The following FREM1 variants were observed in gnomAD, a reference collection of about 807,000 sequenced individuals.
FREM1 encodes FRAS1-related extracellular matrix protein 1.
FREM1 carries 220 observed loss-of-function variants against 210.1 expected under a neutral mutation model. That is an observed-to-expected ratio of 1.05 (90% CI 0.94 to 1.17). FREM1 has a LOEUF of 1.17. FREM1 is among the 50% of genes most tolerant of loss of function. FREM1 has a pLI of 0.00. For missense variants in FREM1, 3,454 were observed against 2,675.5 expected, an observed-to-expected ratio of 1.29 and a Z score of -6.42; for synonymous variants, 1,189 against 980.2, an observed-to-expected ratio of 1.21 and a Z score of -3.98.
rs769520862 is a variant in FREM1, at chr9:14,759,844, C to T, written c.5262G>A (p.Glu1754=). The part of the protein sequence containing the change: ...EWSQTEYEVC[E]NVGLLPLEII... Reference sequence around the variant, plus strand: ...TTTCCAAGGGCAACAAACCCACATTCTCACAGACTTCATATTCGGTCTGTG... The same window carrying T: ...TTTCCAAGGGCAACAAACCCACATTTTCACAGACTTCATATTCGGTCTGTG... The change falls in exon 28 of 37, where the codon GAG becomes GAA. Residue 1754 remains glutamate, a synonymous_variant. Transcript: ENST00000380880. 6.2e-7 allele frequency: 1 copy of T among 1,612,402 alleles called. No homozygotes were observed. Among genetic ancestry groups the T allele is most frequent in the African/African-American group, 1.3e-5 (1 of 75,022 alleles).
At position 14,813,100 on chromosome 9, in the gene FREM1, G is replaced by T. The variant is rs767844415; in HGVS notation, c.2641-36C>A. 53 of 1,574,560 alleles carry T rather than the reference G, an allele frequency of 3.4e-5. No homozygotes were observed. In the Admixed American group the frequency reaches 9.3e-4, roughly 28 times the overall value. Reference sequence around the variant, plus strand: ...GAAAAAATGCATGTTTTCAGAAAAAGAAAGAAATGACAAATTCTTTGACAG... The same window carrying T: ...GAAAAAATGCATGTTTTCAGAAAAATAAAGAAATGACAAATTCTTTGACAG... On this transcript the variant is annotated intron_variant, in intron 15 of 36. Transcript: ENST00000380880.
intron 32 of FREM1, 75 bp downstream of exon 32, chr9:14,747,606 A>G: frequency 9.4e-7 from 1 of 1,061,904 alleles, no homozygotes; most frequent in Non-Finnish European, 1.3e-6. Flanking sequence ...AATATAAAAA[A>G]TATAAAATAA....
chr9:14,838,464 G>A, intron 10 of FREM1, among the ~76,000 whole-genome samples: 1 of 150,802 alleles, frequency 6.6e-6, no homozygotes, highest in East Asian at 1.9e-4. Flanking sequence ...TGATATCGGA[G>A]TTTTAAATAT....
intron 10 of FREM1, among the ~76,000 whole-genome samples, chr9:14,837,487 G>A (rs1824853381): frequency 6.6e-6 from 1 of 150,380 alleles, no homozygotes; most frequent in Admixed American, 6.6e-5. Context: ...ACACACAAAT[G>A]TGCCCACTAA....
chr9:14,839,536 A>G (rs184133657), intron 10 of FREM1, among the ~76,000 whole-genome samples: 1 of 152,218 alleles, frequency 6.6e-6, no homozygotes, highest in Admixed American at 6.5e-5. Context: ...ATGAAAGCAG[A>G]GAAAAACATG....
intron 16 of FREM1, among the ~76,000 whole-genome samples, chr9:14,809,186 C>T (rs564278069): frequency 1.3e-5 from 2 of 152,272 alleles, no homozygotes; most frequent in South Asian, 4.1e-4. Context: ...TGCTTGCTGC[C>T]ATCCATGTAA....
intron 3 of FREM1, among the ~76,000 whole-genome samples, chr9:14,862,579 G>A (rs1830779128): frequency 6.6e-6 from 1 of 152,188 alleles, no homozygotes; most frequent in South Asian, 2.1e-4. Context: ...TAGTCCCAAG[G>A]TTGTACAACC....
chr9:14,818,112 C>T (rs1450091620), intron 14 of FREM1, among the ~76,000 whole-genome samples: 4 of 152,160 alleles, frequency 2.6e-5, no homozygotes, highest in African/African-American at 9.7e-5. Flanking sequence ...GATACCTTGT[C>T]AGACTTGATT....
chr9:14,877,492 C>G (rs1272733585), intron 1 of FREM1, among the ~76,000 whole-genome samples: 1 of 150,338 alleles, frequency 6.7e-6, no homozygotes, highest in Non-Finnish European at 1.5e-5. Context: ...TTCCAGTCTC[C>G]TAGTATCCAA....
chr9:14,801,707 G>T lies in FREM1; in HGVS notation c.3639C>A (p.Asn1213Lys). The T allele has an allele frequency of 6.2e-7, 1 of 1,613,978 alleles. No homozygotes were observed. Among genetic ancestry groups the T allele is most frequent in the Non-Finnish European group, 8.5e-7 (1 of 1,179,862 alleles). Residue 1213 changes from asparagine (N) to lysine (K), a missense_variant, in exon 20 of 37, where the codon AAC becomes AAA. Physicochemically the swap from Asn to Lys is moderately conservative, Grantham distance 94. Transcript: ENST00000380880. ...GAACAGGTGCATGTTTCTGGTGAGGGTTGGCTGGCTGCTTATTCTCAGAGA... is the reference window on the plus strand; with the variant it reads ...GAACAGGTGCATGTTTCTGGTGAGGTTTGGCTGGCTGCTTATTCTCAGAGA... ...KDFSENKQPA[N>K]PHQKHAPVHS...
intron 35 of FREM1, among the ~76,000 whole-genome samples, chr9:14,740,464 A>T (rs960118457): frequency 6.6e-6 from 1 of 152,204 alleles, no homozygotes; most frequent in African/African-American, 2.4e-5. Flanking sequence ...TTTACAGCAA[A>T]AAACATCGAT....
At chr9:14,808,165 C>A in intron 16 of FREM1, 31 bp from the exon 17 acceptor site, 1 of 1,451,886 alleles carries the variant, frequency 6.9e-7, no homozygotes, top group Non-Finnish European at 9.3e-7. Flanking sequence ...TGAAACCTGC[C>A]TTTTAAAAAA....
At chr9:14,809,048 G>C (rs898280353) in intron 16 of FREM1, among the ~76,000 whole-genome samples, 1 of 152,188 alleles carries the variant, frequency 6.6e-6, no homozygotes, top group Non-Finnish European at 1.5e-5. Flanking sequence ...CATTTCGTGA[G>C]AGGAACCCAG....
chr9:14,790,954 C>T (rs1402804776), intron 22 of FREM1: 2 of 152,202 alleles, frequency 1.3e-5, no homozygotes, highest in Non-Finnish European at 2.9e-5. Flanking sequence ...AGTGATTGCT[C>T]TTCACTCTGA....
chr9:14,844,806 T>G (rs1364674304), intron 8 of FREM1, among the ~76,000 whole-genome samples: 1 of 152,228 alleles, frequency 6.6e-6, no homozygotes, highest in African/African-American at 2.4e-5. Context: ...TAGGAAAACT[T>G]GTTAGATACA....
At chr9:14,838,468 TA>T (rs1275968569) in intron 10 of FREM1, among the ~76,000 whole-genome samples, 4 of 149,918 alleles carry the variant, frequency 2.7e-5, no homozygotes, top group African/African-American at 9.8e-5. Flanking sequence ...ATCGGAGTTT[TA>T]AATATAAAAA....
intron 3 of FREM1, among the ~76,000 whole-genome samples, chr9:14,860,396 T>G (rs1485653011): frequency 1.3e-5 from 2 of 151,782 alleles, no homozygotes; most frequent in East Asian, 3.9e-4. Context: ...CCTCTAACCC[T>G]GCATTTCATG....
chr9:14,784,219 A>G, intron 24 of FREM1, 151 bp downstream of exon 24: 1 of 635,894 alleles, frequency 1.6e-6, no homozygotes, highest in Non-Finnish European at 2.4e-6. Context: ...TAAAAAACAA[A>G]TTTCATTCTA....
chr9:14,812,345 T>A (rs1446854459), intron 16 of FREM1, among the ~76,000 whole-genome samples: 1 of 152,236 alleles, frequency 6.6e-6, no homozygotes, highest in Non-Finnish European at 1.5e-5. Flanking sequence ...GCAAGTCATA[T>A]ACTGGGTAAG....
Sources: allele counts gnomAD v4.1 joint callset (sites outside exome capture counted in the v4.1 genomes callset), GRCh38; gene constraint gnomAD v4.1.1; transcripts MANE v1.5; gene names NCBI Gene and HGNC (gene_info 2026-07-23, HGNC 2026-07-21).